DCAF7: variants seen among roughly 807,000 people sequenced by gnomAD.
DCAF7 encodes DDB1- and CUL4-associated factor 7.
DCAF7 carries 4 observed loss-of-function variants against 41.2 expected under a neutral mutation model. The observed-to-expected ratio is 0.10, with a 90% CI of 0.05 to 0.22. The LOEUF (loss-of-function observed/expected upper bound fraction) is 0.22, where lower values mean the gene tolerates loss of function less well. Among genes scored for constraint, DCAF7 ranks in the 10% least tolerant of loss-of-function variants. The pLI is 1.00. For missense variants in DCAF7, 131 were observed against 443.2 expected, an observed-to-expected ratio of 0.30 and a Z score of 6.32; for synonymous variants, 143 against 164.2, an observed-to-expected ratio of 0.87 and a Z score of 0.99.
intron 1 of DCAF7, among the ~76,000 whole-genome samples, chr17:63,551,186 AAG>A (rs1325256150): frequency 2.0e-5 from 3 of 151,792 alleles, no homozygotes; most frequent in Admixed American, 6.6e-5. Flanking sequence ...CGGGGAAGGG[AAG>A]AGAGAGTGAT....
chr17:63,554,495 G>A (rs887169217), intron 1 of DCAF7, among the ~76,000 whole-genome samples: 12 of 152,372 alleles, frequency 7.9e-5, no homozygotes, highest in South Asian at 4.1e-4. Flanking sequence ...GTGTCTGCAT[G>A]CTCCTAAACA....
chr17:63,569,974 A>G (rs939474017), intron 1 of DCAF7, among the ~76,000 whole-genome samples: 2 of 152,070 alleles, frequency 1.3e-5, no homozygotes, highest in Non-Finnish European at 1.5e-5. Flanking sequence ...CAACCTCCCA[A>G]AGTGCTGGGA....
chr17:63,556,902 C>T (rs1345327311), intron 1 of DCAF7, among the ~76,000 whole-genome samples: 1 of 152,064 alleles, frequency 6.6e-6, no homozygotes, highest in Non-Finnish European at 1.5e-5. Context: ...GTAGCATGCA[C>T]CTGTAGTCCC....
intron 3 of DCAF7, 124 bp downstream of exon 3, chr17:63,579,572 GTTAT>G: frequency 1.4e-6 from 1 of 733,164 alleles, no homozygotes; most frequent in South Asian, 1.8e-5. Flanking sequence ...GTGGAATGTG[GTTAT>G]TTATTAATTC....
rs2147781772 is a variant in DCAF7 at position 63,591,652 on chromosome 17, C to A, written c.*2480C>A. 1 of 152,356 alleles carries A rather than the reference C, an allele frequency of 6.6e-6. No homozygotes were observed. The highest frequency in any genetic ancestry group is 2.1e-4 in the South Asian group (1 of 4,832). The allele number at this position is 152,356 out of a possible 1,614,324, so 9.4% of individuals were successfully genotyped here. On this transcript the variant is annotated 3_prime_UTR_variant, in exon 7 of 7. Coordinates refer to ENST00000614556, the MANE Select transcript of DCAF7 (RefSeq NM_005828.5). ...ACTGAGGAGGGGATTTCTACAGTCT[C>A]AGGATTTAGAAAGTCTGTAAGCCAT...
At chr17:63,551,133 A>G (rs2033248085) in intron 1 of DCAF7, among the ~76,000 whole-genome samples, 1 of 152,088 alleles carries the variant, frequency 6.6e-6, no homozygotes, top group African/African-American at 2.4e-5. Context: ...CCATTTATTC[A>G]TCCCGTGCTC....
chr17:63,578,370 A>C (rs2033584886), intron 1 of DCAF7, 100 bp from the exon 2 acceptor site: 1 of 1,537,634 alleles, frequency 6.5e-7, no homozygotes. Context: ...TCTTTAAAAC[A>C]AAAAACAAAC....
chr17:63,591,489 T>A lies in DCAF7; in HGVS notation c.*2317T>A, dbSNP rs1470919252. 2 of 152,210 alleles carry A rather than the reference T, an allele frequency of 1.3e-5. No individual in the cohort carries two copies. Among genetic ancestry groups the A allele is most frequent in the African/African-American group, 4.8e-5 (2 of 41,418 alleles). 9.4% of individuals were successfully genotyped at this position (152,210 alleles called of 1,614,324 possible). On this transcript the variant is annotated 3_prime_UTR_variant, in exon 7 of 7. Coordinates refer to ENST00000614556, the MANE Select transcript of DCAF7 (RefSeq NM_005828.5). ...TTCCTTAGGTCCTGCAGTACAGTCT[T>A]CCCCTGAATGCCACCGGGGACCCAG...
chr17:63,576,177 C>G (rs1475706410), intron 1 of DCAF7, among the ~76,000 whole-genome samples: 1 of 152,206 alleles, frequency 6.6e-6, no homozygotes, highest in Non-Finnish European at 1.5e-5. Flanking sequence ...AGCTGTAGCT[C>G]ACGCCTGTAA....
chr17:63,565,269 C>G (rs959869185), intron 1 of DCAF7, among the ~76,000 whole-genome samples: 3 of 152,050 alleles, frequency 2.0e-5, no homozygotes, highest in African/African-American at 7.2e-5. Context: ...GATGGGACTG[C>G]CTGTATTTAA....
intron 1 of DCAF7, among the ~76,000 whole-genome samples, chr17:63,554,332 G>A (rs2033289369): frequency 6.6e-6 from 1 of 152,270 alleles, no homozygotes; most frequent in Non-Finnish European, 1.5e-5. Flanking sequence ...TCCTGAGGGA[G>A]CTGCACATTC....
intron 1 of DCAF7, among the ~76,000 whole-genome samples, chr17:63,564,727 A>G (rs571878459): frequency 6.6e-6 from 1 of 152,336 alleles, no homozygotes; most frequent in South Asian, 2.1e-4. Flanking sequence ...GACATGTCTG[A>G]CTGTAGAGTG....
At chr17:63,566,195 C>A (rs567005393) in intron 1 of DCAF7, among the ~76,000 whole-genome samples, 42 of 151,978 alleles carry the variant, frequency 2.8e-4, no homozygotes, top group Non-Finnish European at 4.3e-4. Flanking sequence ...ACTGTGAAAC[C>A]CTGTCTCTAC....
chr17:63,583,798 G>A lies in DCAF7; in HGVS notation c.738+87G>A, dbSNP rs113784037. ...AGAAGGCTGGTTCTCAACTGGAGCA[G>A]TTTGGCTCCCGGAGTATCTTTGGGA... On this transcript the variant is annotated intron_variant, in intron 5 of 6. Coordinates refer to ENST00000614556, the MANE Select transcript of DCAF7 (RefSeq NM_005828.5). The A allele has an allele frequency of 4.5e-3, 6,101 of 1,367,128 alleles. 231 individuals are homozygous for A. The African/African-American group carries it at 0.078, about 17-fold the overall frequency. The allele number at this position is 1,367,128 out of a possible 1,614,324, so 84.7% of individuals were successfully genotyped here. A position where few individuals can be genotyped will look rare whatever the true frequency, so the allele number is the denominator to read the frequency against.
intron 3 of DCAF7, 64 bp from the exon 4 acceptor site, chr17:63,579,761 C>T (rs2147774577): frequency 7.2e-7 from 1 of 1,392,264 alleles, no homozygotes; most frequent in East Asian, 2.3e-5. Flanking sequence ...TGAGTAAACA[C>T]AAGAGGGAAG....
chr17:63,559,373 A>ATATGTGTATATATATATGTATATATATG (rs1568097738), intron 1 of DCAF7, among the ~76,000 whole-genome samples: 1 of 82,122 alleles, frequency 1.2e-5, no homozygotes, highest in African/African-American at 6.9e-5. Flanking sequence ...GTATATATAT[A>ATATGTGTATATATATATGTATATATATG]TGTGTATATA....
chr17:63,586,358 GGT>G (rs1217245643), intron 6 of DCAF7, among the ~76,000 whole-genome samples: 1 of 151,856 alleles, frequency 6.6e-6, no homozygotes, highest in African/African-American at 2.4e-5. Flanking sequence ...TAGAGGCTGA[GGT>G]GAGAGGATCC....
rs1026783646 is a variant in DCAF7 at position 63,550,855 on chromosome 17, CG to C, written c.138+43del. 1.9e-6 allele frequency: 3 copies of C among 1,594,774 alleles called. No homozygotes were observed. The African/African-American group carries it at 4.0e-5, about 21-fold the overall frequency. ...GGCTCGGAACCCAGCTGGCGGGGAG[CG>C]GGCCCCGGGAGCGCCCTTTCCGGGC... On this transcript the variant is annotated intron_variant, in intron 1 of 6. Transcript: ENST00000614556. This position sits in a 1 kb window ranked among gnomAD's most constrained non-coding sequence, Gnocchi z 4.8.
chr17:63,588,042 G>A (rs2033695723), intron 6 of DCAF7, among the ~76,000 whole-genome samples: 1 of 149,900 alleles, frequency 6.7e-6, no homozygotes, highest in African/African-American at 2.5e-5. Context: ...AGGAACTAGA[G>A]AAAAGTAAAC....
Sources: gnomAD v4.1 joint callset for allele counts (sites outside exome capture counted in the v4.1 genomes callset) on GRCh38, gnomAD v4.1.1 for gene constraint, Gnocchi (gnomAD v3.1) non-coding constraint, MANE v1.5 for transcripts, NCBI Gene and HGNC (gene_info 2026-07-23, HGNC 2026-07-21) for gene names.